Variants in NRXN3 observed in about 807,000 individuals in gnomAD.
NRXN3 encodes the protein neurexin 3, also known as neurexin III.
Under a neutral mutation model 137.6 loss-of-function variants are expected in NRXN3, and 32 were observed. That is an observed-to-expected ratio of 0.23 (90% confidence interval 0.18 to 0.31). The LOEUF (loss-of-function observed/expected upper bound fraction) is 0.31, where lower values mean the gene tolerates loss of function less well. Among genes scored for constraint, NRXN3 ranks in the 10% least tolerant of loss-of-function variants. The pLI is 1.00. For synonymous variants in NRXN3, 798 were observed against 784.5 expected (o/e 1.02, Z -0.29); for missense variants, 1,574 against 2,062.5 (o/e 0.76, Z 4.59).
At chr14:79,532,759 A>C (rs192439403) in intron 16 of NRXN3, among the ~76,000 whole-genome samples, 1 of 152,300 alleles carries the variant, frequency 6.6e-6, no homozygotes, top group African/African-American at 2.4e-5. Flanking sequence ...ACGAGTTATT[A>C]TTTTCACATA....
intron 16 of NRXN3, 143 bp downstream of exon 16, chr14:79,467,545 T>C: frequency 7.1e-6 from 5 of 705,506 alleles, no homozygotes; most frequent in Non-Finnish European, 1.1e-5. Flanking sequence ...TGAACCATCA[T>C]ATTTACAGGG....
At chr14:78,322,396 A>G (rs2079494100) in intron 4 of NRXN3, among the ~76,000 whole-genome samples, 1 of 151,988 alleles carries the variant, frequency 6.6e-6, no homozygotes. Context: ...TTGCTACTCC[A>G]TGAAAATGCG....
At position 79,198,575 on chromosome 14, in the gene NRXN3, T is replaced by C. The variant is rs151208435; in HGVS notation, c.3262+210434T>C. The stretch of plus-strand genomic sequence containing the variant: ...TGCTAAAGGGAGATAAATGTAATGA[T>C]AGAAAAAGTTAAGGGAACCAAAGAG... On this transcript the variant is annotated intron_variant, in intron 15 of 20. Coordinates refer to ENST00000335750, the MANE Select transcript of NRXN3 (RefSeq NM_001330195.2). Among the ~76,000 whole-genome samples, 490 of 152,292 alleles carry C rather than the reference T, an allele frequency of 3.2e-3. 1 individual carries two copies. The highest frequency in any genetic ancestry group is 0.01 in the Middle Eastern group (3 of 294).
intron 15 of NRXN3, among the ~76,000 whole-genome samples, chr14:79,278,922 G>A (rs923148564): frequency 6.6e-6 from 1 of 152,200 alleles, no homozygotes; most frequent in Admixed American, 6.5e-5. Context: ...GCACCACCGC[G>A]TGCAGCAGCT....
At chr14:79,466,906 G>A (rs1365900434) in intron 15 of NRXN3, among the ~76,000 whole-genome samples, 1 of 152,014 alleles carries the variant, frequency 6.6e-6, no homozygotes, top group Non-Finnish European at 1.5e-5. Flanking sequence ...CCAGAAAGTT[G>A]TTTATTGCAA....
chr14:79,322,292 T>C (rs563488996), intron 15 of NRXN3, among the ~76,000 whole-genome samples: 1 of 152,306 alleles, frequency 6.6e-6, no homozygotes, highest in African/African-American at 2.4e-5. Flanking sequence ...GCCCTTGAAT[T>C]CTGTCCTGAG....
chr14:78,797,940 A>G (rs903627842), intron 8 of NRXN3, among the ~76,000 whole-genome samples: 2 of 152,188 alleles, frequency 1.3e-5, no homozygotes, highest in African/African-American at 4.8e-5. Flanking sequence ...CCAGGATTCA[A>G]TTATCTCCCA....
intron 15 of NRXN3, among the ~76,000 whole-genome samples, chr14:79,039,314 T>C (rs2099621301): frequency 6.6e-6 from 1 of 152,190 alleles, no homozygotes; most frequent in South Asian, 2.1e-4. Flanking sequence ...TCTCTTTCTG[T>C]ATGTTAATGG....
In NRXN3 at chr14:78,482,944, C is replaced by CT. The variant is rs371688845; in HGVS notation, c.758-162173dup. Reference sequence around the variant, plus strand: ...CTCTGCTTTAAAGGTTATTTTGGATCTTTGCCTGTCTTTGATGTGTTCTAG... The same window carrying CT: ...CTCTGCTTTAAAGGTTATTTTGGATCTTTTGCCTGTCTTTGATGTGTTCTAG... On this transcript the variant is annotated intron_variant, in intron 4 of 20. Coordinates refer to ENST00000335750, the MANE Select transcript of NRXN3 (RefSeq NM_001330195.2). Among the ~76,000 whole-genome samples, 298 of 152,276 alleles carry CT rather than the reference C, an allele frequency of 2.0e-3. 1 individual carries two copies. Among genetic ancestry groups the CT allele is most frequent in the African/African-American group, 6.9e-3 (285 of 41,556 alleles).
intron 1 of NRXN3, among the ~76,000 whole-genome samples, chr14:78,187,997 C>T (rs12590717): frequency 0.12 from 18,698 of 152,068 alleles, 1,335 homozygotes; most frequent in East Asian, 0.18. Context: ...AATGAGTATT[C>T]GGTAAATTAA....
chr14:79,728,954 G>T (rs1200971498), intron 19 of NRXN3, among the ~76,000 whole-genome samples: 1 of 152,158 alleles, frequency 6.6e-6, no homozygotes, highest in Non-Finnish European at 1.5e-5. Context: ...TATGTGCCAG[G>T]TGCTAGAGAT....
At chr14:78,387,056 C>T (rs2090076655) in intron 4 of NRXN3, among the ~76,000 whole-genome samples, 1 of 152,104 alleles carries the variant, frequency 6.6e-6, no homozygotes, top group East Asian at 1.9e-4. Flanking sequence ...GCTGGGATTA[C>T]AGGTGTGAGC....
rs141803530 is a variant in NRXN3 at position 78,378,665 on chromosome 14, C to T, written c.757+80805C>T. 1.4e-4 allele frequency among the ~76,000 whole-genome samples: 22 copies of T among 151,856 alleles called. No homozygotes were observed. The East Asian group carries it at 4.1e-3, about 28-fold the overall frequency. On this transcript the variant is annotated intron_variant, in intron 4 of 20. Transcript: ENST00000335750. Reference sequence around the variant, plus strand: ...TCACATCTTAAAAGCTAAATACATACATTAGAAAAGAGGAAAAGTCTCAAA... The same window carrying T: ...TCACATCTTAAAAGCTAAATACATATATTAGAAAAGAGGAAAAGTCTCAAA...
intron 15 of NRXN3, among the ~76,000 whole-genome samples, chr14:79,281,431 C>T (rs552153493): frequency 2.6e-4 from 39 of 152,178 alleles, no homozygotes; most frequent in African/African-American, 9.1e-4. Flanking sequence ...TCTAAAAGGG[C>T]GATGTCTGCA....
intron 15 of NRXN3, among the ~76,000 whole-genome samples, chr14:79,296,179 T>C (rs1477769869): frequency 6.6e-6 from 1 of 152,136 alleles, no homozygotes; most frequent in East Asian, 1.9e-4. Context: ...CTGACATAGT[T>C]CTTCTTTTAC....
intron 16 of NRXN3, among the ~76,000 whole-genome samples, chr14:79,553,372 G>A (rs2097395291): frequency 6.6e-6 from 1 of 152,094 alleles, no homozygotes. Flanking sequence ...GTTCAGGAAG[G>A]TTGAATAATT....
chr14:79,132,592 T>C (rs1306091318), intron 15 of NRXN3, among the ~76,000 whole-genome samples: 1 of 152,246 alleles, frequency 6.6e-6, no homozygotes, highest in Non-Finnish European at 1.5e-5. Context: ...TATATTCCTC[T>C]TGGACTGTGT....
intron 4 of NRXN3, among the ~76,000 whole-genome samples, chr14:78,499,136 T>A (rs929979594): frequency 1.3e-5 from 2 of 152,098 alleles, no homozygotes; most frequent in Admixed American, 6.6e-5. Context: ...TTTCTCTTTC[T>A]CCTCCTCATT....
At chr14:78,874,506 A>G (rs1015902992) in intron 10 of NRXN3, among the ~76,000 whole-genome samples, 2 of 152,010 alleles carry the variant, frequency 1.3e-5, no homozygotes, top group Non-Finnish European at 2.9e-5. Context: ...TCCATTTGCT[A>G]CCCACCACTT....
Sources: gnomAD v4.1 joint callset for allele counts (sites outside exome capture counted in the v4.1 genomes callset) on GRCh38, gnomAD v4.1.1 for gene constraint, MANE v1.5 for transcripts, NCBI Gene and HGNC (gene_info 2026-07-23, HGNC 2026-07-21) for gene names.